Variants in CASR observed in about 807,000 individuals in gnomAD.
The protein encoded by CASR is extracellular calcium-sensing receptor.
In CASR, 23 loss-of-function variants were observed where a neutral mutation model predicts 69.1. That is an observed-to-expected ratio of 0.33 (90% CI 0.24 to 0.47). CASR has a LOEUF of 0.47. Ranked by LOEUF, CASR falls within the 20% of genes least tolerant of loss-of-function variation. CASR has a pLI of 1.00. For synonymous variants in CASR, 541 were observed against 544.7 expected (o/e 0.99, Z 0.10); for missense variants, 924 against 1,356.1 (o/e 0.68, Z 5.00).
chr3:122,248,669 CT>C (rs1029184781), intron 1 of CASR, among the ~76,000 whole-genome samples: 2 of 150,660 alleles, frequency 1.3e-5, no homozygotes, highest in African/African-American at 2.4e-5. Flanking sequence ...CTTGCTGTGC[CT>C]TTAATTTACT....
At chr3:122,193,195 T>TG (rs138617095) in intron 1 of CASR, among the ~76,000 whole-genome samples, 24,951 of 146,446 alleles carry the variant, frequency 0.17, 2,641 homozygotes, top group African/African-American at 0.3. Context: ...TCTGGTTTTT[T>TG]TTTTGTTTGT....
intron 1 of CASR, among the ~76,000 whole-genome samples, chr3:122,252,366 G>A (rs7430755): frequency 0.027 from 540 of 19,728 alleles, 5 homozygotes; most frequent in East Asian, 0.045. Flanking sequence ...AAAGAAAGAA[G>A]GAAGGAAGGA....
At chr3:122,217,353 G>A (rs11713215) in intron 1 of CASR, among the ~76,000 whole-genome samples, 110,191 of 151,972 alleles carry the variant, frequency 0.73, 40,189 homozygotes, top group Admixed American at 0.82. Flanking sequence ...TGCCTGCCTC[G>A]GCCTCCCACG....
At chr3:122,239,792 C>A (rs1246877149) in intron 1 of CASR, among the ~76,000 whole-genome samples, 2 of 152,194 alleles carry the variant, frequency 1.3e-5, no homozygotes, top group Non-Finnish European at 2.9e-5. Context: ...ATAGAGAATT[C>A]TTCTGGGTCT....
At position 122,245,914 on chromosome 3, in the gene CASR, A is replaced by G. The variant is rs1357270340; in HGVS notation, c.-242-8034A>G. On this transcript the variant is annotated intron_variant, in intron 1 of 6. Coordinates refer to ENST00000639785, the MANE Select transcript of CASR (RefSeq NM_000388.4). ...TAAGTTTAGTCCTCTGAAGTCCTAA[A>G]CTGACATTTTAAAGACAAACTGTGC... 2.6e-5 allele frequency among the ~76,000 whole-genome samples: 4 copies of G among 152,346 alleles called. No homozygotes were observed. In the East Asian group the frequency reaches 7.7e-4, roughly 29 times the overall value.
intron 1 of CASR, among the ~76,000 whole-genome samples, chr3:122,237,123 T>A (rs1444894249): frequency 6.6e-6 from 1 of 151,046 alleles, no homozygotes; most frequent in Non-Finnish European, 1.5e-5. Flanking sequence ...TTTTTTTTTT[T>A]TTTTTTTGAC....
At chr3:122,194,829 G>A (rs758435786) in intron 1 of CASR, among the ~76,000 whole-genome samples, 6 of 152,106 alleles carry the variant, frequency 3.9e-5, no homozygotes. Flanking sequence ...GTCCTTGCCT[G>A]CCCATTCCCA....
chr3:122,209,337 C>T (rs996420390), intron 1 of CASR, among the ~76,000 whole-genome samples: 20 of 152,122 alleles, frequency 1.3e-4, no homozygotes, highest in African/African-American at 4.6e-4. Context: ...GAAACTATTC[C>T]AAACAATTGA....
chr3:122,257,565 A>C (rs906950335), intron 3 of CASR, 178 bp downstream of exon 3: 12 of 579,698 alleles, frequency 2.1e-5, no homozygotes, highest in Admixed American at 9.2e-5. Flanking sequence ...CAGTGTCCAC[A>C]ATATCAATGA....
At chr3:122,203,687 C>T (rs763669540) in intron 1 of CASR, among the ~76,000 whole-genome samples, 2 of 152,218 alleles carry the variant, frequency 1.3e-5, no homozygotes, top group Admixed American at 6.5e-5. Flanking sequence ...CTAGGACTCA[C>T]TGTGCACTAC....
At chr3:122,216,747 C>G (rs973740612) in intron 1 of CASR, among the ~76,000 whole-genome samples, 1 of 152,104 alleles carries the variant, frequency 6.6e-6, no homozygotes, top group African/African-American at 2.4e-5. Context: ...AATACAAGGA[C>G]TAGAACTTCT....
intron 1 of CASR, among the ~76,000 whole-genome samples, chr3:122,241,276 C>T (rs2107614837): frequency 6.6e-6 from 1 of 151,796 alleles, no homozygotes; most frequent in East Asian, 1.9e-4. Flanking sequence ...ATAAAATTGA[C>T]AAACCTTTAG....
intron 1 of CASR, among the ~76,000 whole-genome samples, chr3:122,188,469 G>T (rs1163397950): frequency 6.6e-6 from 1 of 152,058 alleles, no homozygotes; most frequent in Non-Finnish European, 1.5e-5. Flanking sequence ...AATCTGGGAA[G>T]TGCTTGTATA....
At chr3:122,268,976 A>T (rs2074724145) in intron 4 of CASR, among the ~76,000 whole-genome samples, 1 of 152,216 alleles carries the variant, frequency 6.6e-6, no homozygotes, top group Non-Finnish European at 1.5e-5. Context: ...GAGTATAAAC[A>T]GGGTTATTGA....
rs561230370 is a variant in CASR, at chr3:122,223,612, C to T, written c.-242-30336C>T. Among the ~76,000 whole-genome samples, 38 of 152,192 alleles carry T rather than the reference C, an allele frequency of 2.5e-4. No individual in the cohort carries two copies. The South Asian group carries it at 6.4e-3, about 26-fold the overall frequency. ...AGATGGATTCACAGCCAAATTCTACCACATGTAAAATTATTCCAATCCTAC... is the reference window on the plus strand; with the variant it reads ...AGATGGATTCACAGCCAAATTCTACTACATGTAAAATTATTCCAATCCTAC... On this transcript the variant is annotated intron_variant, in intron 1 of 6. Coordinates refer to ENST00000639785, the MANE Select transcript of CASR (RefSeq NM_000388.4).
chr3:122,198,041 CT>C (rs1446112559), intron 1 of CASR, among the ~76,000 whole-genome samples: 1 of 152,140 alleles, frequency 6.6e-6, no homozygotes, highest in Admixed American at 6.6e-5. Flanking sequence ...CTGACTGATG[CT>C]TTTTTCTTTA....
At chr3:122,265,468 A>T (rs577841434) in intron 4 of CASR, among the ~76,000 whole-genome samples, 1 of 152,248 alleles carries the variant, frequency 6.6e-6, no homozygotes, top group Admixed American at 6.5e-5. Flanking sequence ...CTGTACTCTA[A>T]GCTTCATAAG....
intron 1 of CASR, among the ~76,000 whole-genome samples, chr3:122,225,615 G>A (rs573554659): frequency 7.3e-5 from 11 of 150,082 alleles, no homozygotes; most frequent in East Asian, 2.0e-4. Flanking sequence ...ACACTTATGC[G>A]CTGTTGGTGA....
chr3:122,239,272 C>A (rs1290283084), intron 1 of CASR, among the ~76,000 whole-genome samples: 1 of 152,166 alleles, frequency 6.6e-6, no homozygotes, highest in African/African-American at 2.4e-5. Context: ...TCTGCAGTGG[C>A]CAGGCAGAAC....
Sources: allele counts gnomAD v4.1 joint callset (sites outside exome capture counted in the v4.1 genomes callset), GRCh38; gene constraint gnomAD v4.1.1; transcripts MANE v1.5; gene names NCBI Gene and HGNC (gene_info 2026-07-23, HGNC 2026-07-21).